Variants in ZEB2 observed in about 807,000 individuals in gnomAD.
The protein encoded by ZEB2 is zinc finger E-box-binding homeobox 2.
In ZEB2, 6 loss-of-function variants were observed where a neutral mutation model predicts 99.9. That is an observed-to-expected ratio of 0.06 (90% confidence interval 0.03 to 0.12). The LOEUF is 0.12. ZEB2 is among the 10% of genes least tolerant of loss of function. The probability of loss-of-function intolerance (pLI) is 1.00; values close to 1 mark genes in which losing one functional copy is unlikely to be tolerated. For missense variants in ZEB2, 969 were observed against 1,502.8 expected (o/e 0.64, Z 5.87); for synonymous variants, 517 against 542.5 (o/e 0.95, Z 0.65).
At chr2:144,435,785 C>T (rs1703829121) in intron 2 of ZEB2, among the ~76,000 whole-genome samples, 1 of 152,094 alleles carries the variant, frequency 6.6e-6, no homozygotes, top group Non-Finnish European at 1.5e-5. Context: ...GACTTTTCTC[C>T]TGAACCTTAG....
At chr2:144,439,540 G>A (rs1703879894) in intron 2 of ZEB2, among the ~76,000 whole-genome samples, 1 of 152,238 alleles carries the variant, frequency 6.6e-6, no homozygotes. Context: ...GGGCCTGTGT[G>A]AGAAAACAGC....
intron 2 of ZEB2, among the ~76,000 whole-genome samples, chr2:144,442,664 T>C (rs538719306): frequency 2.0e-5 from 3 of 152,296 alleles, no homozygotes; most frequent in South Asian, 2.1e-4. Context: ...AGTTAAGATA[T>C]AGTAAACATA....
At chr2:144,493,050 T>C (rs1343858046) in intron 2 of ZEB2, among the ~76,000 whole-genome samples, 2 of 152,168 alleles carry the variant, frequency 1.3e-5, no homozygotes, top group Non-Finnish European at 2.9e-5. Context: ...ATGCTGTTTC[T>C]ATAAGAAAAA....
intron 2 of ZEB2, among the ~76,000 whole-genome samples, chr2:144,451,512 T>C (rs1402154878): frequency 2.6e-5 from 4 of 152,154 alleles, no homozygotes; most frequent in Non-Finnish European, 4.4e-5. Context: ...GTAGAAATGA[T>C]TTGAAGGTGT....
intron 1 of ZEB2, chr2:144,519,725 A>C (rs1159334044): frequency 1.9e-5 from 6 of 323,202 alleles, no homozygotes; most frequent in African/African-American, 1.3e-4. Context: ...AAGCAAGGAG[A>C]GAGAGTGTGA....
chr2:144,519,885 C>T (rs1705237737), intron 1 of ZEB2, 54 bp downstream of exon 1: 2 of 402,332 alleles, frequency 5.0e-6, no homozygotes, highest in East Asian at 7.1e-5. Flanking sequence ...GGATGGAGGA[C>T]GAGCACACCA....
intron 2 of ZEB2, among the ~76,000 whole-genome samples, chr2:144,454,024 A>G (rs1704088340): frequency 6.6e-6 from 1 of 152,208 alleles, no homozygotes. Flanking sequence ...AAGATTCAGT[A>G]TTTGTGACTT....
intron 2 of ZEB2, among the ~76,000 whole-genome samples, chr2:144,510,130 T>C (rs1395679349): frequency 6.6e-6 from 1 of 151,578 alleles, no homozygotes; most frequent in Non-Finnish European, 1.5e-5. Flanking sequence ...CCCCCTAAAA[T>C]TCTTTTCAGA....
intron 3 of ZEB2, chr2:144,426,834 T>C (rs907168582): frequency 6.6e-6 from 1 of 152,224 alleles, no homozygotes; most frequent in African/African-American, 2.4e-5. Context: ...AAGCTCAATG[T>C]GTGAAAATGA....
chr2:144,475,517 TG>T (rs1345230926), intron 2 of ZEB2, among the ~76,000 whole-genome samples: 1 of 152,228 alleles, frequency 6.6e-6, no homozygotes, highest in African/African-American at 2.4e-5. Flanking sequence ...TATGTATATA[TG>T]TCATTTTTCT....
At chr2:144,486,528 A>T (rs1436109076) in intron 2 of ZEB2, among the ~76,000 whole-genome samples, 2 of 152,130 alleles carry the variant, frequency 1.3e-5, no homozygotes, top group Non-Finnish European at 2.9e-5. Flanking sequence ...CATGGTTTTG[A>T]TTACAAATCC....
chr2:144,459,131 C>T (rs1459378869), intron 2 of ZEB2, among the ~76,000 whole-genome samples: 1 of 152,036 alleles, frequency 6.6e-6, no homozygotes, highest in East Asian at 1.9e-4. Context: ...CTACTATAAC[C>T]CCATAACCCA....
At chr2:144,513,953 C>G in intron 2 of ZEB2, 2 of 1,412,888 alleles carry the variant, frequency 1.4e-6, no homozygotes, top group South Asian at 1.4e-5. Context: ...TTCTTGTCTG[C>G]GGGCAACTCG....
chr2:144,398,531 T>G lies in ZEB2; in HGVS notation c.2656A>C (p.Met886Leu), dbSNP rs200179429. 1 of 1,614,166 alleles carries G rather than the reference T, an allele frequency of 6.2e-7. No individual in the cohort carries two copies. Among genetic ancestry groups the G allele is most frequent in the Non-Finnish European group, 8.5e-7 (1 of 1,180,020 alleles). Residue 886 changes from methionine to leucine, a missense_variant, in exon 8 of 10, where the codon ATG becomes CTG. Physicochemically the swap from Met to Leu is conservative, Grantham distance 15. This residue lies in a region of ZEB2 where 346 missense variants were observed against 460.0 expected (regional missense o/e 0.75). Coordinates refer to ENST00000627532, the MANE Select transcript of ZEB2 (RefSeq NM_014795.4). ...DNKSTNPVFS[M>L]NPFSAKPLYT... ...AAAGGTTTGGCACTAAATGGGTTCA[T>G]GCTGAACACTGGGTTAGTGCTTTTG...
chr2:144,440,515 ATTTTTTTTTTTTTTTTTT>A (rs201944188), intron 2 of ZEB2, among the ~76,000 whole-genome samples: 31 of 32,804 alleles, frequency 9.5e-4, no homozygotes, highest in East Asian at 3.3e-3. Flanking sequence ...ATATATATAT[ATTTTTTTTTTTTTTTTTT>A]TTTTTTTTTA....
Position 144,467,916 on chromosome 2 carries a change from G to A in ZEB2, c.74-37890C>T, listed in dbSNP as rs763836715. Among the ~76,000 whole-genome samples the A allele has an allele frequency of 3.0e-4, 46 of 152,126 alleles. 2 individuals carry two copies. The highest frequency in any genetic ancestry group is 1.0e-3 in the South Asian group (5 of 4,828). Reference sequence around the variant, plus strand: ...CAGACAAACTGAAGTTATGTCAAGCGCATTACGATTTAACACAGGCTGAAT... The same window carrying A: ...CAGACAAACTGAAGTTATGTCAAGCACATTACGATTTAACACAGGCTGAAT... On this transcript the variant is annotated intron_variant, in intron 2 of 9. Transcript: ENST00000627532.
intron 2 of ZEB2, among the ~76,000 whole-genome samples, chr2:144,432,388 A>G (rs945958422): frequency 6.6e-6 from 1 of 152,198 alleles, no homozygotes; most frequent in Non-Finnish European, 1.5e-5. Context: ...ATGCATTTCC[A>G]TATGCCATTA....
intron 2 of ZEB2, chr2:144,513,785 T>G (rs1705085159): frequency 3.3e-6 from 5 of 1,536,148 alleles, no homozygotes; most frequent in Non-Finnish European, 4.4e-6. Flanking sequence ...AGTGCTCATT[T>G]CTGACTCCAA....
intron 3 of ZEB2, chr2:144,428,430 G>T (rs142542447): frequency 6.6e-6 from 1 of 152,156 alleles, no homozygotes; most frequent in African/African-American, 2.4e-5. Flanking sequence ...CTAATTAAAC[G>T]TATTTATCTT....
Sources: gnomAD v4.1 joint callset for allele counts (sites outside exome capture counted in the v4.1 genomes callset) on GRCh38, gnomAD v4.1.1 for gene constraint, gnomAD v4.1.1 regional missense constraint, MANE v1.5 for transcripts, NCBI Gene and HGNC (gene_info 2026-07-23, HGNC 2026-07-21) for gene names.